GPD2: variants seen among roughly 807,000 people sequenced by gnomAD.
The protein encoded by GPD2 is glycerol-3-phosphate dehydrogenase 2.
Under a neutral mutation model 82.4 loss-of-function variants are expected in GPD2, and 54 were observed. That is an observed-to-expected ratio of 0.66 (90% confidence interval 0.53 to 0.82). The LOEUF (loss-of-function observed/expected upper bound fraction) is 0.82. GPD2 is among the 40% of genes least tolerant of loss of function. The pLI, the probability that GPD2 is intolerant of heterozygous loss-of-function variation, is 0.00. For missense variants in GPD2, 748 were observed against 896.2 expected (o/e 0.83, Z 2.11); for synonymous variants, 288 against 306.1 (o/e 0.94, Z 0.62).
chr2:156,413,999 G>A, the GPD2 span, among the ~76,000 whole-genome samples: 1 of 152,158 alleles, frequency 6.6e-6, no homozygotes, highest in Non-Finnish European at 1.5e-5. Flanking sequence ...TAATGAATAA[G>A]CAGAAATATT....
intron 16 of GPD2, among the ~76,000 whole-genome samples, chr2:156,581,034 G>A (rs556121429): frequency 2.0e-5 from 3 of 152,250 alleles, no homozygotes; most frequent in South Asian, 4.1e-4. Context: ...GAAAGACATG[G>A]CACTTTAGAA....
At chr2:156,543,109 C>A (rs1213680406) in intron 6 of GPD2, among the ~76,000 whole-genome samples, 2 of 152,154 alleles carry the variant, frequency 1.3e-5, no homozygotes, top group Non-Finnish European at 2.9e-5. Flanking sequence ...TATCACTAGC[C>A]TCCTCCCTTT....
chr2:156,536,099 A>T (rs932464842), intron 6 of GPD2, among the ~76,000 whole-genome samples: 1 of 152,264 alleles, frequency 6.6e-6, no homozygotes, highest in Non-Finnish European at 1.5e-5. Flanking sequence ...TAATGGCATT[A>T]GCCAACTCTA....
chr2:156,561,765 A>G (rs1687184755), intron 9 of GPD2, among the ~76,000 whole-genome samples: 1 of 152,238 alleles, frequency 6.6e-6, no homozygotes, highest in Non-Finnish European at 1.5e-5. Flanking sequence ...AAATTCCAAC[A>G]ACAGTTTCTG....
intron 6 of GPD2, among the ~76,000 whole-genome samples, chr2:156,522,863 C>A (rs1485074561): frequency 6.6e-5 from 10 of 151,756 alleles, no homozygotes; most frequent in Non-Finnish European, 1.5e-4. Flanking sequence ...GAGGACTTTA[C>A]AAAATGAAGA....
chr2:156,551,633 T>C (rs1263107957), intron 8 of GPD2, among the ~76,000 whole-genome samples: 1 of 152,182 alleles, frequency 6.6e-6, no homozygotes, highest in Non-Finnish European at 1.5e-5. Flanking sequence ...TAGAAGCTAC[T>C]TCAGTTCCTC....
chr2:156,575,372 C>T (rs1267823609), intron 13 of GPD2, among the ~76,000 whole-genome samples: 1 of 149,682 alleles, frequency 6.7e-6, no homozygotes, highest in Non-Finnish European at 1.5e-5. Flanking sequence ...AAAATCATTT[C>T]AGATATATCA....
At chr2:156,406,763 T>C in the GPD2 span, among the ~76,000 whole-genome samples, 1 of 152,278 alleles carries the variant, frequency 6.6e-6, no homozygotes, top group African/African-American at 2.4e-5. Context: ...ACTTCAGAGC[T>C]GTGCCGCTTG....
the GPD2 span, among the ~76,000 whole-genome samples, chr2:156,417,075 G>T: frequency 6.6e-6 from 1 of 151,998 alleles, no homozygotes; most frequent in East Asian, 1.9e-4. Flanking sequence ...TACTTAACAC[G>T]CTGCATTGCA....
At chr2:156,539,891 T>A (rs772784729) in intron 6 of GPD2, among the ~76,000 whole-genome samples, 1 of 152,216 alleles carries the variant, frequency 6.6e-6, no homozygotes, top group Non-Finnish European at 1.5e-5. Context: ...GTTGGCTTAT[T>A]TGAAATTTTG....
At chr2:156,540,505 G>C (rs1686266214) in intron 6 of GPD2, among the ~76,000 whole-genome samples, 1 of 152,158 alleles carries the variant, frequency 6.6e-6, no homozygotes, top group South Asian at 2.1e-4. Context: ...ACATGAGACA[G>C]TTATCTGCTA....
intron 3 of GPD2, among the ~76,000 whole-genome samples, chr2:156,507,865 G>A (rs1342746384): frequency 6.6e-6 from 1 of 152,102 alleles, no homozygotes; most frequent in Non-Finnish European, 1.5e-5. Context: ...GATAAGCTAG[G>A]CCACATGAAG....
intron 8 of GPD2, among the ~76,000 whole-genome samples, chr2:156,552,894 C>CTTTTTTTTTTTTTTTTTTT: frequency 9.3e-6 from 1 of 107,356 alleles, no homozygotes; most frequent in Non-Finnish European, 1.9e-5. Flanking sequence ...TTCCTTATAT[C>CTTTTTTTTTTTTTTTTTTT]TTTTTTTTTT....
chr2:156,406,789 A>T, the GPD2 span, among the ~76,000 whole-genome samples: 1 of 152,164 alleles, frequency 6.6e-6, no homozygotes, highest in Admixed American at 6.5e-5. Flanking sequence ...AATAGCTTTC[A>T]CTTCCCTTCC....
chr2:156,510,216 T>C (rs1268755608), intron 3 of GPD2, among the ~76,000 whole-genome samples: 2 of 151,768 alleles, frequency 1.3e-5, no homozygotes, highest in South Asian at 2.1e-4. Flanking sequence ...TCAGAACTTA[T>C]TCTCTTTCTT....
At chr2:156,554,813 T>C (rs545394041) in intron 8 of GPD2, among the ~76,000 whole-genome samples, 3 of 152,352 alleles carry the variant, frequency 2.0e-5, no homozygotes, top group African/African-American at 7.2e-5. Flanking sequence ...TGTGTGTACA[T>C]ACTGTTAGCT....
At chr2:156,486,799 TCA>T (rs1287935783) in intron 2 of GPD2, among the ~76,000 whole-genome samples, 1 of 152,214 alleles carries the variant, frequency 6.6e-6, no homozygotes, top group Non-Finnish European at 1.5e-5. Flanking sequence ...ATGAAATAAT[TCA>T]CAGAGAAATG....
chr2:156,466,568 G>A (rs1021041742), intron 1 of GPD2, among the ~76,000 whole-genome samples: 1 of 152,082 alleles, frequency 6.6e-6, no homozygotes, highest in Non-Finnish European at 1.5e-5. Flanking sequence ...TAAAAAATCG[G>A]GTCTTAAATA....
chr2:156,476,927 C>CTA (rs1447664056), intron 2 of GPD2, among the ~76,000 whole-genome samples: 2 of 152,210 alleles, frequency 1.3e-5, no homozygotes, highest in African/African-American at 4.8e-5. Context: ...TTTTGTGATA[C>CTA]TAGCTGTGTA....
Sources: gnomAD v4.1 joint callset for allele counts (sites outside exome capture counted in the v4.1 genomes callset) on GRCh38, gnomAD v4.1.1 for gene constraint, MANE v1.5 for transcripts, NCBI Gene and HGNC (gene_info 2026-07-23, HGNC 2026-07-21) for gene names.